The following TTN variants were observed in gnomAD, a reference collection of about 807,000 sequenced individuals.
TTN encodes the protein titin.
Under a neutral mutation model 3,223.0 loss-of-function variants are expected in TTN, and 1,525 were observed. The ratio of observed to expected loss-of-function variants is 0.47; its 90% CI spans 0.45 to 0.49. TTN has a LOEUF of 0.49. TTN is among the 20% of genes least tolerant of loss of function. The probability of loss-of-function intolerance (pLI) is 0.00; values close to 1 mark genes in which losing one functional copy is unlikely to be tolerated. For synonymous variants in TTN, 14,094 were observed against 15,161.0 expected, an observed-to-expected ratio of 0.93 and a Z score of 5.17; for missense variants, 40,786 against 43,424.0, an observed-to-expected ratio of 0.94 and a Z score of 5.40.
intron 47 of TTN, chr2:178,744,744 G>A (rs1574138428): frequency 2.0e-6 from 2 of 984,486 alleles, no homozygotes; most frequent in East Asian, 2.3e-4. Context: ...AAATCTATAT[G>A]TAAACACAAT....
chr2:178,778,439 C>CCACCGAG, intron 24 of TTN: 1 of 255,098 alleles, frequency 3.9e-6, no homozygotes, highest in Non-Finnish European at 7.6e-6. Flanking sequence ...AACAAGACTC[C>CCACCGAG]ATCTACACAT....
chr2:178,702,351 G>T (rs891911248), intron 107 of TTN, 103 bp downstream of exon 107: 2 of 1,599,880 alleles, frequency 1.3e-6, no homozygotes, highest in Non-Finnish European at 8.6e-7. Context: ...TTCTAAAAAA[G>T]CATTCTAGAT....
In TTN at chr2:178,773,975, C is replaced by A. The variant is rs766170235; in HGVS notation, c.7193G>T (p.Ser2398Ile). 3 of 1,613,960 alleles carry A rather than the reference C, an allele frequency of 1.9e-6. No homozygotes were observed. The highest frequency in any genetic ancestry group is 2.5e-6 in the Non-Finnish European group (3 of 1,179,992). Residue 2398 changes from serine (S) to isoleucine (I), a missense_variant, in exon 31 of 363, where the codon AGT (serine) becomes ATT (isoleucine). Ser to Ile is a moderately radical substitution (Grantham distance 142, BLOSUM62 -2). Coordinates refer to ENST00000589042, the MANE Select transcript of TTN (RefSeq NM_001267550.2). ...GTCTATCACAATGTGAACCCTGTCA[C>A]TGGGCTGCACTTCTTGGCCGTCTTT... is the stretch of plus-strand genomic sequence containing the variant. ...WMKDGQEVQP[S>I]DRVHIVIDKQ...
chr2:178,760,042 T>C (rs532821743), intron 43 of TTN, among the ~76,000 whole-genome samples: 23 of 152,368 alleles, frequency 1.5e-4, no homozygotes, highest in African/African-American at 4.8e-4. Flanking sequence ...ACAGTCACTA[T>C]ACCACTTCTT....
Position 178,723,078 on chromosome 2 carries a change from C to A in TTN, c.21929G>T (p.Arg7310Met). 1 of 1,613,624 alleles carries A rather than the reference C, an allele frequency of 6.2e-7. No individual in the cohort carries two copies. The highest frequency in any genetic ancestry group is 8.5e-7 in the Non-Finnish European group (1 of 1,179,652). Residue 7310 changes from arginine to methionine, a missense_variant, in exon 75 of 363, where the codon AGG (arginine) becomes ATG (methionine). By Grantham distance (91) the Arg-to-Met change is moderately conservative. Coordinates refer to ENST00000589042, the MANE Select transcript of TTN (RefSeq NM_001267550.2). ...YSCEIENEAG[R>M]DVCGALVSTL... ...AGATACCAGAGCTCCACAAACATCC[C>A]TTCCTGCCTCATTTTCAATCTCGCA...
chr2:178,670,752 TTAATA>T (rs2066830037), intron 156 of TTN, among the ~76,000 whole-genome samples: 1 of 152,050 alleles, frequency 6.6e-6, no homozygotes, highest in South Asian at 2.1e-4. Flanking sequence ...ATTTGCCAGG[TTAATA>T]TAATTAATAA....
chr2:178,561,640 C>T lies in TTN; in HGVS notation c.84492G>A (p.Val28164=), dbSNP rs767513604. The part of the protein sequence containing the change: ...PPGPPGTPKV[V]HATKSTMLVT... ...CAAGCATGGTAGATTTTGTGGCATG[C>T]ACAACTTTAGGAGTACCAGGAGGAC... Residue 28164 remains valine, a synonymous_variant, in exon 326 of 363, where the codon GTG becomes GTA. Transcript: ENST00000589042. 2.5e-6 allele frequency: 4 copies of T among 1,610,816 alleles called. No individual in the cohort carries two copies. Among genetic ancestry groups the T allele is most frequent in the Non-Finnish European group, 3.4e-6 (4 of 1,178,384 alleles).
chr2:178,670,063 A>T (rs936230922), intron 157 of TTN, among the ~76,000 whole-genome samples, 155 bp downstream of exon 157: 3 of 152,062 alleles, frequency 2.0e-5, no homozygotes, highest in Non-Finnish European at 4.4e-5. Flanking sequence ...CGCCTAAAAC[A>T]TTGCCTCAAA....
rs777213118 is a variant in TTN at position 178,594,475 on chromosome 2, A to T, written c.58019T>A (p.Leu19340His). Residue 19340 changes from leucine to histidine, a missense_variant, in exon 296 of 363, where the codon CTT (leucine) becomes CAT (histidine). Transcript: ENST00000589042. Reference protein sequence around the residue: ...KFHKVTNDNLLSRKYTVKGLK... With the variant: ...KFHKVTNDNLHSRKYTVKGLK... ...GCCTTTAACAGTGTATTTTCTGCTA[A>T]GCAAGTTGTCATTTGTAACTTTGTG... 1.1e-5 allele frequency: 18 copies of T among 1,613,268 alleles called. No homozygotes were observed. Among genetic ancestry groups the T allele is most frequent in the Non-Finnish European group, 1.4e-5 (17 of 1,179,564 alleles).
chr2:178,578,545 G>T, intron 321 of TTN, 66 bp downstream of exon 321: 1 of 1,268,996 alleles, frequency 7.9e-7, no homozygotes, highest in Non-Finnish European at 1.1e-6. Flanking sequence ...ATGTTCAACT[G>T]TTCTCAGGGA....
In TTN at chr2:178,533,089, A is replaced by C; in HGVS notation, c.103526T>G (p.Leu34509Arg). The change falls in exon 358 of 363, where the codon CTT becomes CGT. Residue 34509 changes from leucine to arginine, a missense_variant. Leu to Arg is a moderately radical substitution (Grantham distance 102). Coordinates refer to ENST00000589042, the MANE Select transcript of TTN (RefSeq NM_001267550.2). ...AKEALREAAV[L>R]YKPAVSTKTV... ...CTTGGTGCTTACAGCCGGTTTATAA[A>C]GGACAGCAGCTTCTCTCAGAGCCTC... 1 of 1,613,964 alleles carries C rather than the reference A, an allele frequency of 6.2e-7. No individual in the cohort carries two copies. The highest frequency in any genetic ancestry group is 8.5e-7 in the Non-Finnish European group (1 of 1,179,876).
chr2:178,712,513 C>T lies in TTN; in HGVS notation c.27409G>A (p.Gly9137Arg), dbSNP rs1311310606. The change falls in exon 95 of 363, where the codon GGA becomes AGA. Residue 9137 changes from glycine to arginine, a missense_variant. Gly to Arg is a moderately radical substitution (Grantham distance 125). Transcript: ENST00000589042. ...CAGGTAACCGAAATGGGAGGAGTTC[C>T]AGTGAATGTACCCTCTAGGATCAGG... ...KPLILEGTFTGTPPISVTWKK... is the reference protein window; with the variant it reads ...KPLILEGTFTRTPPISVTWKK... 1.9e-6 allele frequency: 3 copies of T among 1,613,700 alleles called. No homozygotes were observed. Among genetic ancestry groups the T allele is most frequent in the African/African-American group, 1.3e-5 (1 of 75,010 alleles).
rs2075926309 is a variant in TTN at position 178,706,719 on chromosome 2, C to T, written c.29155G>A (p.Ala9719Thr). Residue 9719 changes from alanine to threonine, a missense_variant, in exon 102 of 363, where the codon GCA (alanine) becomes ACA (threonine). Transcript: ENST00000589042. ...VVEKTTATFI[A>T]KVGGDPIPNV... ...GGGATTGGGTCACCTCCAACTTTTG[C>T]AATGAAGGTCGCAGTGGTTTCTAAG... The T allele has an allele frequency of 1.9e-6, 3 of 1,608,932 alleles. No homozygotes were observed. The highest frequency in any genetic ancestry group is 1.3e-5 in the African/African-American group (1 of 74,824).
intron 122 of TTN, 53 bp from the exon 123 acceptor site, chr2:178,689,648 C>G: frequency 6.6e-7 from 1 of 1,523,652 alleles, no homozygotes; most frequent in Non-Finnish European, 8.9e-7. Flanking sequence ...TAGCTATGCA[C>G]AGTTATTTTT....
chr2:178,555,073 A>T lies in TTN; in HGVS notation c.88386T>A (p.Ala29462=). 6.2e-7 allele frequency: 1 copy of T among 1,613,876 alleles called. No homozygotes were observed. The highest frequency in any genetic ancestry group is 8.5e-7 in the Non-Finnish European group (1 of 1,179,836). ...TAGGCGCAGGTTTGCCAGAAATGCC[A>T]GCTCTGAGCTTCACAGATGTACCTG... is the stretch of plus-strand genomic sequence containing the variant. ...YRAGTSVKLR[A]GISGKPAPTI... The change falls in exon 331 of 363, where the codon GCT becomes GCA. Residue 29462 remains alanine (A), a synonymous_variant. Transcript: ENST00000589042.
At chr2:178,702,703 G>T in intron 106 of TTN, 40 bp from the exon 107 acceptor site, 1 of 1,545,264 alleles carries the variant, frequency 6.5e-7, no homozygotes, top group South Asian at 1.2e-5. Context: ...AGATTATATA[G>T]AGAGGAATTT....
rs759583374 is a variant in TTN at position 178,719,738 on chromosome 2, G to A, written c.23754C>T (p.Leu7918=). ...LECVVTGTPE[L]SAKWFKDGRE... Reference sequence around the variant, plus strand: ...TTCCATCTTTGAACCACTTGGCTGAGAGTTCTGGTGTTCCAGTCACTACAC... The same window carrying A: ...TTCCATCTTTGAACCACTTGGCTGAAAGTTCTGGTGTTCCAGTCACTACAC... Residue 7918 remains leucine (L), a synonymous_variant, in exon 82 of 363, where the codon CTC becomes CTT. Transcript: ENST00000589042. The A allele has an allele frequency of 6.2e-7, 1 of 1,613,678 alleles. No individual in the cohort carries two copies. The highest frequency in any genetic ancestry group is 8.5e-7 in the Non-Finnish European group (1 of 1,179,698).
In TTN at chr2:178,531,434, C is replaced by T. The variant is rs1188833461; in HGVS notation, c.105181G>A (p.Ala35061Thr). The change falls in exon 358 of 363, where the codon GCG becomes ACG. Residue 35061 changes from alanine (A) to threonine (T), a missense_variant. Transcript: ENST00000589042. ...SVFPELTRTE[A>T]YAVSSFKKTS... Reference sequence around the variant, plus strand: ...TTCTTAAATGATGAAACAGCATACGCCTCTGTTCTTGTCAGCTCAGGGAAA... The same window carrying T: ...TTCTTAAATGATGAAACAGCATACGTCTCTGTTCTTGTCAGCTCAGGGAAA... 1 of 1,613,990 alleles carries T rather than the reference C, an allele frequency of 6.2e-7. No homozygotes were observed. The highest frequency in any genetic ancestry group is 1.6e-4 in the Middle Eastern group (1 of 6,062).
Position 178,535,547 on chromosome 2 carries a change from G to A in TTN, c.101068C>T (p.Pro33690Ser). 1 of 1,613,834 alleles carries A rather than the reference G, an allele frequency of 6.2e-7. No individual in the cohort carries two copies. The highest frequency in any genetic ancestry group is 8.5e-7 in the Non-Finnish European group (1 of 1,179,812). The change falls in exon 358 of 363, where the codon CCT (proline) becomes TCT (serine). Residue 33690 changes from proline to serine, a missense_variant. Pro to Ser is a moderately conservative substitution (Grantham distance 74). Coordinates refer to ENST00000589042, the MANE Select transcript of TTN (RefSeq NM_001267550.2). Reference sequence around the variant, plus strand: ...ACTTTGACTCCTCTGGGTGGGTCAGGAACATCAGCCACATCCAGTTCAACT... The same window carrying A: ...ACTTTGACTCCTCTGGGTGGGTCAGAAACATCAGCCACATCCAGTTCAACT... Reference protein sequence around the residue: ...KTVELDVADVPDPPRGVKVSD... With the variant: ...KTVELDVADVSDPPRGVKVSD...
Sources: gnomAD v4.1 joint callset for allele counts (sites outside exome capture counted in the v4.1 genomes callset) on GRCh38, gnomAD v4.1.1 for gene constraint, MANE v1.5 for transcripts, NCBI Gene and HGNC (gene_info 2026-07-23, HGNC 2026-07-21) for gene names.